PRKN: variants seen among roughly 807,000 people sequenced by gnomAD.
The protein encoded by PRKN is E3 ubiquitin-protein ligase parkin.
Under a neutral mutation model 59.5 loss-of-function variants are expected in PRKN, and 56 were observed. That is an observed-to-expected ratio of 0.94 (90% CI 0.76 to 1.18). PRKN has a LOEUF of 1.18. Among genes scored for constraint, PRKN ranks in the 50% most tolerant of loss-of-function variants. PRKN has a pLI of 0.00. For missense variants in PRKN, 657 were observed against 596.4 expected (o/e 1.10, Z -1.06); for synonymous variants, 250 against 222.1 (o/e 1.13, Z -1.12).
chr6:161,642,309 A>T (rs1016440945), intron 7 of PRKN, among the ~76,000 whole-genome samples: 3 of 152,200 alleles, frequency 2.0e-5, no homozygotes, highest in Admixed American at 2.0e-4. Context: ...GATAAAGTGT[A>T]CCTTTAACTT....
At chr6:162,367,922 C>T (rs1025255324) in intron 2 of PRKN, among the ~76,000 whole-genome samples, 2 of 152,094 alleles carry the variant, frequency 1.3e-5, no homozygotes, top group African/African-American at 2.4e-5. Context: ...GAGGATGGGC[C>T]GACTGAGTGG....
chr6:161,538,969 T>A lies in PRKN; in HGVS notation c.1083+9885A>T, dbSNP rs920668107. On this transcript the variant is annotated intron_variant, in intron 9 of 11. Coordinates refer to ENST00000366898, the MANE Select transcript of PRKN (RefSeq NM_004562.3). This position sits in a 1 kb window ranked among gnomAD's most constrained non-coding sequence, Gnocchi z 4.2. ...TTAGCGCTGACCTTGGTGTTCCTGT[T>A]TCGTGTGAAGAGTGAGGGCGTGCTG... 2.6e-5 allele frequency among the ~76,000 whole-genome samples: 4 copies of A among 152,254 alleles called. No individual in the cohort carries two copies. The highest frequency in any genetic ancestry group is 1.3e-4 in the Admixed American group (2 of 15,294).
At position 161,569,435 on chromosome 6, in the gene PRKN, A is replaced by T. The variant is rs771040642; in HGVS notation, c.872-19T>A. 5 of 1,607,048 alleles carry T rather than the reference A, an allele frequency of 3.1e-6. No homozygotes were observed. The highest frequency in any genetic ancestry group is 4.3e-6 in the Non-Finnish European group (5 of 1,173,722). ...CAGCCAGCTGTTGGAAAGAAGAATT[A>T]ATCACAAAAACGTCACTTTCACTCT... On this transcript the variant is annotated intron_variant, in intron 7 of 11. Transcript: ENST00000366898.
intron 4 of PRKN, among the ~76,000 whole-genome samples, chr6:162,152,757 T>A (rs577416672): frequency 3.3e-5 from 5 of 152,290 alleles, no homozygotes; most frequent in African/African-American, 9.6e-5. Context: ...AAAAATGATA[T>A]AGACTCAACT....
intron 7 of PRKN, among the ~76,000 whole-genome samples, chr6:161,610,492 TACACACACACACACAC>T (rs370179659): frequency 3.6e-5 from 5 of 139,858 alleles, no homozygotes; most frequent in Non-Finnish European, 3.1e-5. Context: ...ATATTAATAA[TACACACACACACACAC>T]ACACACACAC....
chr6:162,482,172 C>T (rs1792337760), intron 1 of PRKN, among the ~76,000 whole-genome samples: 1 of 152,174 alleles, frequency 6.6e-6, no homozygotes, highest in African/African-American at 2.4e-5. Context: ...TCCAAAAAGC[C>T]AGGCTCCTTA....
rs756385638 is a variant in PRKN, at chr6:162,311,522, G to A, written c.172-48757C>T. ...TTTTGAGACAGAGTCTCGCTCTGTC[G>A]CCCAGGCAGGAGTGCAGTGGCACAA... On this transcript the variant is annotated intron_variant, in intron 2 of 11. Coordinates refer to ENST00000366898, the MANE Select transcript of PRKN (RefSeq NM_004562.3). Among the ~76,000 whole-genome samples the A allele has an allele frequency of 2.9e-4, 38 of 130,378 alleles. 1 individual carries two copies. Among genetic ancestry groups the A allele is most frequent in the East Asian group, 1.6e-3 (7 of 4,346 alleles). 85.5% of individuals were successfully genotyped at this position (130,378 alleles called of 152,430 possible). A position where few individuals can be genotyped will look rare whatever the true frequency, so the allele number is the denominator to read the frequency against.
chr6:161,539,853 G>C (rs540825247), intron 9 of PRKN, among the ~76,000 whole-genome samples: 1 of 152,200 alleles, frequency 6.6e-6, no homozygotes, highest in South Asian at 2.1e-4. Context: ...TTCATTCTGT[G>C]TATTAAAAGT....
intron 1 of PRKN, among the ~76,000 whole-genome samples, chr6:162,467,868 C>A (rs1460327696): frequency 6.6e-6 from 1 of 152,078 alleles, no homozygotes; most frequent in Non-Finnish European, 1.5e-5. Context: ...AGAAGCCAAC[C>A]CCTTGCTGGA....
chr6:162,058,914 T>G (rs1777978732), intron 4 of PRKN, among the ~76,000 whole-genome samples: 1 of 141,748 alleles, frequency 7.1e-6, no homozygotes, highest in Non-Finnish European at 1.5e-5. Flanking sequence ...ATCACACCAC[T>G]GCACTCCAGC....
intron 1 of PRKN, among the ~76,000 whole-genome samples, chr6:162,472,056 C>T (rs1295036826): frequency 1.3e-5 from 2 of 152,126 alleles, no homozygotes; most frequent in East Asian, 3.9e-4. Flanking sequence ...GTCAATGACA[C>T]TGGGGAACGC....
chr6:161,899,056 A>T (rs1777777598), intron 6 of PRKN, among the ~76,000 whole-genome samples: 1 of 152,348 alleles, frequency 6.6e-6, no homozygotes, highest in Non-Finnish European at 1.5e-5. Flanking sequence ...CTGGCTGCAC[A>T]GCAGCCCTTG....
At chr6:162,096,097 T>C (rs1461714435) in intron 4 of PRKN, among the ~76,000 whole-genome samples, 2 of 152,112 alleles carry the variant, frequency 1.3e-5, no homozygotes, top group African/African-American at 4.8e-5. Context: ...ATGGTAGGTA[T>C]GCTGCCAACT....
Position 161,785,882 on chromosome 6 carries a change from T to G in PRKN, c.761A>C (p.Asn254Thr). The G allele has an allele frequency of 6.2e-7, 1 of 1,613,808 alleles. No homozygotes were observed. The highest frequency in any genetic ancestry group is 1.7e-5 in the Admixed American group (1 of 59,964). The change falls in exon 7 of 12, where the codon AAC becomes ACC. Residue 254 changes from asparagine (N) to threonine (T), a missense_variant. Asn to Thr is a moderately conservative substitution (Grantham distance 65). Coordinates refer to ENST00000366898, the MANE Select transcript of PRKN (RefSeq NM_004562.3). ...GTCTAAGCAAATCACGTGGCGGGAG[T>G]TGCACTGGAAAACCAGGACGGGGCT... ...VRSPVLVFQC[N>T]SRHVICLDCF...
intron 2 of PRKN, among the ~76,000 whole-genome samples, chr6:162,375,883 G>A (rs554291263): frequency 4.0e-5 from 6 of 151,888 alleles, no homozygotes; most frequent in Non-Finnish European, 8.8e-5. Flanking sequence ...ATGGACCCAC[G>A]GTTCTTGTCT....
rs564148704 is a variant in PRKN, at chr6:162,695,705, T to C, written c.7+31957A>G. On this transcript the variant is annotated intron_variant, in intron 1 of 11. Coordinates refer to ENST00000366898, the MANE Select transcript of PRKN (RefSeq NM_004562.3). Reference sequence around the variant, plus strand: ...GTACAAGTTCAGGGAGCCTCTGCAATAGTCTTTTGTAATTTAAGAAATAAT... The same window carrying C: ...GTACAAGTTCAGGGAGCCTCTGCAACAGTCTTTTGTAATTTAAGAAATAAT... 5.9e-5 allele frequency among the ~76,000 whole-genome samples: 9 copies of C among 152,330 alleles called. No individual in the cohort carries two copies. The South Asian group carries it at 1.9e-3, about 32-fold the overall frequency.
intron 7 of PRKN, among the ~76,000 whole-genome samples, chr6:161,698,997 A>T (rs1225698904): frequency 6.6e-6 from 1 of 152,160 alleles, no homozygotes; most frequent in Admixed American, 6.5e-5. Flanking sequence ...GTATCTGATA[A>T]AGGACATGTA....
At chr6:162,418,352 A>C (rs906670652) in intron 2 of PRKN, among the ~76,000 whole-genome samples, 1 of 152,194 alleles carries the variant, frequency 6.6e-6, no homozygotes, top group African/African-American at 2.4e-5. Flanking sequence ...AGAAAAGGGA[A>C]TGACTGCTAC....
intron 2 of PRKN, among the ~76,000 whole-genome samples, chr6:162,428,906 C>T (rs1024050970): frequency 9.2e-5 from 14 of 152,256 alleles, no homozygotes; most frequent in African/African-American, 3.4e-4. Flanking sequence ...TGATTTTCTG[C>T]AGATATTCCC....
Sources: gnomAD v4.1 joint callset for allele counts (sites outside exome capture counted in the v4.1 genomes callset) on GRCh38, gnomAD v4.1.1 for gene constraint, Gnocchi (gnomAD v3.1) non-coding constraint, MANE v1.5 for transcripts, NCBI Gene and HGNC (gene_info 2026-07-23, HGNC 2026-07-21) for gene names.